CDH18: variants seen among roughly 807,000 people sequenced by gnomAD.
CDH18 encodes cadherin-18.
A neutral mutation model predicts 67.9 loss-of-function variants in CDH18; 31 were observed. That is an observed-to-expected ratio of 0.46 (90% CI 0.34 to 0.62). The LOEUF (loss-of-function observed/expected upper bound fraction) is 0.62. CDH18 is among the 20% of genes least tolerant of loss of function. CDH18 has a pLI of 0.01. For synonymous variants in CDH18, 362 were observed against 347.2 expected (o/e 1.04, Z -0.48); for missense variants, 890 against 975.5 (o/e 0.91, Z 1.17).
chr5:20,168,796 A>G (rs1736484817), intron 2 of CDH18, among the ~76,000 whole-genome samples: 1 of 152,164 alleles, frequency 6.6e-6, no homozygotes, highest in African/African-American at 2.4e-5. Context: ...ACAAAAAGGA[A>G]CACTCTTCAG....
rs188138301 is a variant in CDH18, at chr5:20,488,316, A to G, written c.-580+87146T>C. Among the ~76,000 whole-genome samples, 1,074 of 152,266 alleles carry G rather than the reference A, an allele frequency of 7.1e-3. 9 individuals carry two copies. The highest frequency in any genetic ancestry group is 0.012 in the Non-Finnish European group (810 of 68,022). ...AGTACAATCAAGTTAAAAATGCTTT[A>G]AAAAGAAACAGTTGAAGGATTTTCA... On this transcript the variant is annotated intron_variant, in intron 1 of 14. Coordinates refer to the CDH18 transcript ENST00000507958.
intron 2 of CDH18, among the ~76,000 whole-genome samples, chr5:19,884,300 T>G (rs546564532): frequency 1.6e-4 from 24 of 152,250 alleles, no homozygotes; most frequent in African/African-American, 5.5e-4. Flanking sequence ...CAGTTGATTC[T>G]CTGAGGTAAA....
chr5:19,564,249 G>A (rs1462499147), intron 8 of CDH18, among the ~76,000 whole-genome samples: 1 of 152,176 alleles, frequency 6.6e-6, no homozygotes, highest in Non-Finnish European at 1.5e-5. Flanking sequence ...CAGCTGGCGT[G>A]GTCAAGGGAG....
intron 6 of CDH18, among the ~76,000 whole-genome samples, chr5:19,603,363 T>C (rs1303130492): frequency 1.3e-5 from 2 of 151,678 alleles, no homozygotes; most frequent in Admixed American, 1.3e-4. Flanking sequence ...AGAGGGAAAA[T>C]GGGAAAGTAC....
chr5:20,470,204 T>C (rs2471154), intron 1 of CDH18, among the ~76,000 whole-genome samples: 42,929 of 151,904 alleles, frequency 0.28, 6,286 homozygotes, highest in East Asian at 0.4. Flanking sequence ...TCCATCAAAA[T>C]CAAGCATACA....
intron 1 of CDH18, among the ~76,000 whole-genome samples, chr5:20,395,357 A>G (rs1294347371): frequency 6.6e-6 from 1 of 152,054 alleles, no homozygotes; most frequent in African/African-American, 2.4e-5. Flanking sequence ...ACCAAATACC[A>G]CGTGTTCCCA....
At chr5:19,881,793 A>G (rs1308997970) in intron 2 of CDH18, among the ~76,000 whole-genome samples, 1 of 152,094 alleles carries the variant, frequency 6.6e-6, no homozygotes, top group Non-Finnish European at 1.5e-5. Flanking sequence ...GGCATGAGCC[A>G]CTGCACCTGG....
intron 2 of CDH18, among the ~76,000 whole-genome samples, chr5:19,846,517 T>G (rs1498101): frequency 0.8 from 121,077 of 152,000 alleles, 50,124 homozygotes; most frequent in Non-Finnish European, 0.91. Flanking sequence ...ACAGCATAGA[T>G]TTTTAACTAT....
intron 1 of CDH18, among the ~76,000 whole-genome samples, chr5:20,538,898 G>GTTTTTTTTTTTTTT (rs376091293): frequency 6.6e-5 from 7 of 106,764 alleles, no homozygotes; most frequent in East Asian, 3.8e-4. Flanking sequence ...ATAGCCAACT[G>GTTTTTTTTTTTTTT]TTTTTTTTTT....
chr5:20,262,895 T>C (rs1744756614), intron 1 of CDH18, among the ~76,000 whole-genome samples: 1 of 148,892 alleles, frequency 6.7e-6, no homozygotes, highest in Admixed American at 6.8e-5. Flanking sequence ...TCTTCAACAC[T>C]TAACACAAGC....
At chr5:19,764,805 C>T (rs1772863132) in intron 3 of CDH18, among the ~76,000 whole-genome samples, 1 of 152,050 alleles carries the variant, frequency 6.6e-6, no homozygotes, top group Non-Finnish European at 1.5e-5. Context: ...TATTAAGAGT[C>T]AACAGAAAAA....
intron 2 of CDH18, among the ~76,000 whole-genome samples, chr5:19,893,168 G>A (rs1229001491): frequency 6.6e-6 from 1 of 152,108 alleles, no homozygotes; most frequent in Non-Finnish European, 1.5e-5. Context: ...GTACCAGGAG[G>A]TGAGTTATGG....
At chr5:20,543,532 T>C (rs1197509809) in intron 1 of CDH18, among the ~76,000 whole-genome samples, 3 of 152,138 alleles carry the variant, frequency 2.0e-5, no homozygotes, top group Non-Finnish European at 4.4e-5. Context: ...TTTAGCATGG[T>C]ATATTTCTGA....
chr5:19,670,259 T>C (rs1758559488), intron 5 of CDH18, among the ~76,000 whole-genome samples: 1 of 152,074 alleles, frequency 6.6e-6, no homozygotes. Context: ...AACGATTCAA[T>C]GGCATAAGGT....
chr5:20,535,739 A>G (rs1253846536), intron 1 of CDH18, among the ~76,000 whole-genome samples: 1 of 152,016 alleles, frequency 6.6e-6, no homozygotes, highest in African/African-American at 2.4e-5. Context: ...TTCTTTTTCC[A>G]CCTTTCAGTA....
At chr5:19,720,274 T>C (rs1765908809) in intron 5 of CDH18, among the ~76,000 whole-genome samples, 1 of 152,168 alleles carries the variant, frequency 6.6e-6, no homozygotes, top group Non-Finnish European at 1.5e-5. Context: ...ATATTTATGA[T>C]TAAAAAATAG....
At chr5:20,344,724 T>G (rs1219027300) in intron 1 of CDH18, among the ~76,000 whole-genome samples, 2 of 152,148 alleles carry the variant, frequency 1.3e-5, no homozygotes, top group Non-Finnish European at 2.9e-5. Flanking sequence ...TCCCATGGCC[T>G]TATTATGGGT....
intron 2 of CDH18, among the ~76,000 whole-genome samples, chr5:20,116,446 G>C (rs1420216034): frequency 6.6e-6 from 1 of 151,954 alleles, no homozygotes; most frequent in South Asian, 2.1e-4. Flanking sequence ...AACCCAAGAG[G>C]TGGAGGTTAC....
chr5:20,190,947 G>T lies in CDH18; in HGVS notation c.-518+64497C>A, dbSNP rs549803302. Among the ~76,000 whole-genome samples, 3 of 152,162 alleles carry T rather than the reference G, an allele frequency of 2.0e-5. No homozygotes were observed. The East Asian group carries it at 5.8e-4, about 29-fold the overall frequency. On this transcript the variant is annotated intron_variant, in intron 2 of 14. Coordinates refer to the CDH18 transcript ENST00000507958. ...AAAGTGAAGGTTCAGGATGGCCTGT[G>T]GTTTCACAGCACCATATGTCTACCT... is the stretch of plus-strand genomic sequence containing the variant.
Sources: gnomAD v4.1 joint callset for allele counts (sites outside exome capture counted in the v4.1 genomes callset) on GRCh38, gnomAD v4.1.1 for gene constraint, MANE v1.5 for transcripts, NCBI Gene and HGNC (gene_info 2026-07-23, HGNC 2026-07-21) for gene names.